Variants in LARP1 observed in about 807,000 individuals in gnomAD.
LARP1 encodes La ribonucleoprotein 1, translational regulator.
In LARP1, 36 loss-of-function variants were observed where a neutral mutation model predicts 122.7. That is an observed-to-expected ratio of 0.29 (90% CI 0.22 to 0.39). LARP1 has a LOEUF of 0.39. Among genes scored for constraint, LARP1 ranks in the 10% least tolerant of loss-of-function variants. The pLI, the probability that LARP1 is intolerant of heterozygous loss-of-function variation, is 1.00. For missense variants in LARP1, 1,040 were observed against 1,403.6 expected (o/e 0.74, Z 4.14); for synonymous variants, 539 against 528.7 (o/e 1.02, Z -0.27).
chr5:154,725,073 T>C (rs984540999), intron 1 of LARP1, among the ~76,000 whole-genome samples: 4 of 151,804 alleles, frequency 2.6e-5, no homozygotes, highest in African/African-American at 9.7e-5. Flanking sequence ...AGTGAGACCT[T>C]GTCTCTACAA....
At chr5:154,793,327 T>G (rs1561610424) in intron 4 of LARP1, among the ~76,000 whole-genome samples, 1 of 152,164 alleles carries the variant, frequency 6.6e-6, no homozygotes, top group African/African-American at 2.4e-5. Flanking sequence ...CATCCTGGGC[T>G]GCCATGTGTC....
chr5:154,707,685 C>T (rs1040100706), intron 1 of LARP1, among the ~76,000 whole-genome samples: 2 of 152,060 alleles, frequency 1.3e-5, no homozygotes, highest in African/African-American at 4.8e-5. Context: ...ATTTATTGTG[C>T]ACTTTATTTC....
chr5:154,803,576 C>A lies in LARP1; in HGVS notation c.2270C>A (p.Ala757Asp). 1 of 1,614,176 alleles carries A rather than the reference C, an allele frequency of 6.2e-7. No homozygotes were observed. The highest frequency in any genetic ancestry group is 8.5e-7 in the Non-Finnish European group (1 of 1,180,014). Residue 757 changes from alanine to aspartate, a missense_variant, in exon 13 of 19, where the codon GCT becomes GAT. This residue lies in a region of LARP1 where 362 missense variants were observed against 533.1 expected (regional missense o/e 0.68). Transcript: ENST00000518297. This position sits in a 1 kb window ranked among gnomAD's most constrained non-coding sequence, Gnocchi z 4.4. ...TDALANKLFG[A>D]PEPSTIARSL... ...GCCCTGGCCAACAAGTTGTTTGGTG[C>A]TCCTGAGCCCTCCACCATCGCCCGC...
chr5:154,738,316 A>G (rs1475278607), intron 1 of LARP1, among the ~76,000 whole-genome samples: 1 of 152,192 alleles, frequency 6.6e-6, no homozygotes, highest in Non-Finnish European at 1.5e-5. Context: ...GAAACAGCAA[A>G]GCCAGGTGCG....
chr5:154,715,176 T>C (rs1173159859), intron 1 of LARP1, among the ~76,000 whole-genome samples: 4 of 150,510 alleles, frequency 2.7e-5, no homozygotes, highest in African/African-American at 9.8e-5. Context: ...CGAGACTCTG[T>C]CTCAAAAAAA....
At chr5:154,812,681 G>A (rs1759381064) in intron 18 of LARP1, among the ~76,000 whole-genome samples, 1 of 151,910 alleles carries the variant, frequency 6.6e-6, no homozygotes, top group African/African-American at 2.4e-5. Flanking sequence ...CACCACGCCT[G>A]GCTAATTTTT....
At chr5:154,812,054 G>A (rs1470199331) in intron 18 of LARP1, among the ~76,000 whole-genome samples, 1 of 152,138 alleles carries the variant, frequency 6.6e-6, no homozygotes. Context: ...CGCCTCAACG[G>A]TGACATCCAG....
upstream of LARP1, among the ~76,000 whole-genome samples, chr5:154,708,135 T>C (rs1755039557): frequency 6.6e-6 from 1 of 152,200 alleles, no homozygotes; most frequent in African/African-American, 2.4e-5. Context: ...AAAGCTGAGA[T>C]AGGTGATCAT....
intron 1 of LARP1, among the ~76,000 whole-genome samples, chr5:154,748,895 G>T (rs1308112386): frequency 6.6e-6 from 1 of 152,230 alleles, no homozygotes; most frequent in African/African-American, 2.4e-5. Flanking sequence ...GGGGCCCACA[G>T]GGGTTTACAT....
At chr5:154,796,629 A>G (rs1757875106) in intron 8 of LARP1, among the ~76,000 whole-genome samples, 1 of 152,164 alleles carries the variant, frequency 6.6e-6, no homozygotes, top group Admixed American at 6.6e-5. Context: ...GTGGCACATA[A>G]CATTTCATTT....
In LARP1 at chr5:154,791,706, C is replaced by T. The variant is rs75010663; in HGVS notation, c.565-916C>T. ...ACCAGAATCTTTGCATACTCAAGTC[C>T]TGTAGTTGGCCCTGCAGGACCTACA... On this transcript the variant is annotated intron_variant, in intron 3 of 18. Transcript: ENST00000518297. Among the ~76,000 whole-genome samples, 763 of 152,312 alleles carry T rather than the reference C, an allele frequency of 5.0e-3. 8 individuals carry two copies. The highest frequency in any genetic ancestry group is 0.024 in the East Asian group (123 of 5,178).
At chr5:154,696,473 C>T (rs1311928716) in intron 1 of LARP1, among the ~76,000 whole-genome samples, 1 of 152,172 alleles carries the variant, frequency 6.6e-6, no homozygotes. Flanking sequence ...TCTCTGAATG[C>T]AAAATGATAA....
At chr5:154,724,200 A>G (rs1484518585) in intron 1 of LARP1, among the ~76,000 whole-genome samples, 1 of 152,238 alleles carries the variant, frequency 6.6e-6, no homozygotes, top group Non-Finnish European at 1.5e-5. Context: ...TCCTTAAACC[A>G]TAACTCCTAT....
At chr5:154,779,834 G>A (rs1008561154) in intron 1 of LARP1, among the ~76,000 whole-genome samples, 1 of 152,074 alleles carries the variant, frequency 6.6e-6, no homozygotes, top group African/African-American at 2.4e-5. Flanking sequence ...AAAGGGGTGT[G>A]CTGGTGCCTT....
intron 1 of LARP1, chr5:154,786,676 C>T (rs565882937): frequency 2.1e-5 from 6 of 284,916 alleles, no homozygotes; most frequent in East Asian, 9.5e-5. Flanking sequence ...ACCCATTCCT[C>T]GCCAGTAGAC....
intron 1 of LARP1, among the ~76,000 whole-genome samples, chr5:154,762,384 G>A (rs1256573401): frequency 2.0e-5 from 3 of 152,142 alleles, no homozygotes; most frequent in East Asian, 3.8e-4. Context: ...TTCCGGAACT[G>A]AGTGGATAAT....
chr5:154,691,726 C>T lies in LARP1; in HGVS notation c.-180+8689C>T, dbSNP rs1754221320. Among the ~76,000 whole-genome samples the T allele has an allele frequency of 3.9e-5, 6 of 152,142 alleles. No homozygotes were observed. The South Asian group carries it at 1.2e-3, about 31-fold the overall frequency. ...CATCCTCCAACCTGATAGCGCTCCT[C>T]GGCAGCCCTCGGTTCATCCCCCATA... On this transcript the variant is annotated intron_variant, in intron 1 of 18. Transcript: ENST00000687700.
At chr5:154,684,635 A>T (rs1021659693) in intron 1 of LARP1, among the ~76,000 whole-genome samples, 3 of 152,110 alleles carry the variant, frequency 2.0e-5, no homozygotes, top group Non-Finnish European at 4.4e-5. Flanking sequence ...GGCCAAGAGA[A>T]GGGGTTTGAA....
intron 1 of LARP1, among the ~76,000 whole-genome samples, chr5:154,762,223 A>T (rs989171089): frequency 1.3e-5 from 2 of 152,172 alleles, no homozygotes; most frequent in Non-Finnish European, 2.9e-5. Flanking sequence ...AGCCTGGGTG[A>T]CAAGAGCAAG....
Sources: gnomAD v4.1 joint callset for allele counts (sites outside exome capture counted in the v4.1 genomes callset) on GRCh38, gnomAD v4.1.1 for gene constraint, gnomAD v4.1.1 regional missense constraint, Gnocchi (gnomAD v3.1) non-coding constraint, MANE v1.5 for transcripts, NCBI Gene and HGNC (gene_info 2026-07-23, HGNC 2026-07-21) for gene names.